USP34: variants seen among roughly 807,000 people sequenced by gnomAD.
USP34 encodes the protein ubiquitin carboxyl-terminal hydrolase 34.
A neutral mutation model predicts 460.3 loss-of-function variants in USP34; 70 were observed. The observed-to-expected ratio is 0.15, with a 90% CI of 0.13 to 0.19. USP34 has a LOEUF of 0.19. Among genes scored for constraint, USP34 ranks in the 10% least tolerant of loss-of-function variants. The probability of loss-of-function intolerance (pLI) is 1.00; values close to 1 mark genes in which losing one functional copy is unlikely to be tolerated. For missense variants in USP34, 3,985 were observed against 4,236.2 expected (o/e 0.94, Z 1.65); for synonymous variants, 1,647 against 1,405.3 (o/e 1.17, Z -3.85).
At chr2:61,294,554 G>T (rs1689965817) in intron 32 of USP34, among the ~76,000 whole-genome samples, 1 of 151,962 alleles carries the variant, frequency 6.6e-6, no homozygotes. Flanking sequence ...GGGTAGCTGG[G>T]ATTATGGGCA....
At chr2:61,212,048 T>C in intron 68 of USP34, 119 bp from the exon 69 acceptor site, 1 of 1,262,830 alleles carries the variant, frequency 7.9e-7, no homozygotes, top group Non-Finnish European at 1.1e-6. Context: ...TAGATTATAC[T>C]TCCATTCAGA....
Position 61,470,806 on chromosome 2 carries a change from A to T in USP34, c.-114T>A, listed in dbSNP as rs1573080353. 2.5e-6 allele frequency: 1 copy of T among 404,306 alleles called. No individual in the cohort carries two copies. Among genetic ancestry groups the T allele is most frequent in the East Asian group, 1.4e-4 (1 of 7,120 alleles). 25.0% of individuals were successfully genotyped at this position (404,306 alleles called of 1,614,324 possible). A position where few individuals can be genotyped will look rare whatever the true frequency, so the allele number is the denominator to read the frequency against. On this transcript the variant is annotated 5_prime_UTR_variant, in exon 1 of 80. Transcript: ENST00000398571. ...GGGCCGGCCGGCCGGCGGGGCGGGG[A>T]GGCGACTAGGGCGGGCGGCGGCGGG...
chr2:61,232,887 T>C (rs79356144), intron 57 of USP34, among the ~76,000 whole-genome samples: 1 of 138,934 alleles, frequency 7.2e-6, no homozygotes, highest in Non-Finnish European at 1.6e-5. Flanking sequence ...TTTTTTTTTT[T>C]TGAGACAGAT....
intron 41 of USP34, among the ~76,000 whole-genome samples, chr2:61,266,491 C>A (rs529372353): frequency 1.3e-5 from 2 of 152,092 alleles, no homozygotes; most frequent in Non-Finnish European, 2.9e-5. Flanking sequence ...GTCTGACTGG[C>A]GCTTCTGCAT....
At chr2:61,262,088 C>CAAAAAAAAAAAAA (rs61651654) in intron 43 of USP34, among the ~76,000 whole-genome samples, 1 of 46,826 alleles carries the variant, frequency 2.1e-5, no homozygotes, top group East Asian at 5.6e-4. Context: ...AAGACTTCGT[C>CAAAAAAAAAAAAA]AAAAAAAAAA....
At chr2:61,460,122 T>C (rs1388963964) in intron 1 of USP34, among the ~76,000 whole-genome samples, 3 of 152,194 alleles carry the variant, frequency 2.0e-5, no homozygotes, top group African/African-American at 7.2e-5. Context: ...ACATATTACT[T>C]AGTTTCCAAG....
chr2:61,222,892 TC>T, intron 64 of USP34, 167 bp downstream of exon 64: 1 of 698,692 alleles, frequency 1.4e-6, no homozygotes, highest in South Asian at 2.0e-5. Context: ...AGACGGGTTC[TC>T]ACTATGTTGC....
At chr2:61,466,735 A>AG (rs1695774285) in intron 1 of USP34, among the ~76,000 whole-genome samples, 1 of 152,060 alleles carries the variant, frequency 6.6e-6, no homozygotes, top group Non-Finnish European at 1.5e-5. Context: ...AACATGGCAA[A>AG]ATCCCACCTC....
chr2:61,201,320 A>G (rs1314865239), intron 75 of USP34, among the ~76,000 whole-genome samples: 1 of 150,626 alleles, frequency 6.6e-6, no homozygotes, highest in East Asian at 2.0e-4. Flanking sequence ...GGTTCAAGCA[A>G]TTCTCTGGCC....
intron 34 of USP34, among the ~76,000 whole-genome samples, chr2:61,285,944 C>A (rs1689676730): frequency 6.6e-6 from 1 of 152,146 alleles, no homozygotes; most frequent in African/African-American, 2.4e-5. Context: ...GGAAGGCATT[C>A]TGTGCACATA....
intron 7 of USP34, 27 bp from the exon 8 acceptor site, chr2:61,378,451 GTTT>G (rs755193350): frequency 5.9e-6 from 9 of 1,536,766 alleles, no homozygotes; most frequent in Non-Finnish European, 2.6e-6. Flanking sequence ...GAAATTAAGG[GTTT>G]TTATTTCCAA....
chr2:61,403,898 CAGG>C (rs998427794), intron 3 of USP34, among the ~76,000 whole-genome samples: 1 of 142,780 alleles, frequency 7.0e-6, no homozygotes, highest in Non-Finnish European at 1.5e-5. Context: ...GAGGCTGAGG[CAGG>C]AGAATGACGT....
intron 19 of USP34, among the ~76,000 whole-genome samples, chr2:61,333,395 C>T (rs1427077082): frequency 6.6e-6 from 1 of 151,982 alleles, no homozygotes; most frequent in East Asian, 1.9e-4. Flanking sequence ...ATGAATATTT[C>T]CTTTGAGTGT....
intron 75 of USP34, among the ~76,000 whole-genome samples, chr2:61,196,539 T>G (rs548662040): frequency 1.3e-5 from 2 of 152,122 alleles, no homozygotes; most frequent in East Asian, 3.9e-4. Flanking sequence ...ACAATTTTTT[T>G]TTTTTCCTTT....
At chr2:61,297,949 T>C (rs978816004) in intron 29 of USP34, among the ~76,000 whole-genome samples, 1 of 152,182 alleles carries the variant, frequency 6.6e-6, no homozygotes, top group African/African-American at 2.4e-5. Flanking sequence ...ACTTGCGCTA[T>C]ACTTGAGGAA....
Position 61,214,216 on chromosome 2 carries a change from A to G in USP34, c.8526T>C (p.Asp2842=), listed in dbSNP as rs1473691497. Residue 2842 remains aspartate (D), a synonymous_variant, in exon 68 of 80, where the codon GAT becomes GAC. Coordinates refer to ENST00000398571, the MANE Select transcript of USP34 (RefSeq NM_014709.4). ...GCATCCCACGGTTAAAAAGCACCAC[A>G]TCCTGATCATCATGGTCAGCAAGGA... is the stretch of plus-strand genomic sequence containing the variant. ...NYILADHDDQ[D]VVLFNRGMLP... 7.4e-6 allele frequency: 12 copies of G among 1,614,212 alleles called. No individual in the cohort carries two copies. The highest frequency in any genetic ancestry group is 8.5e-6 in the Non-Finnish European group (10 of 1,180,042).
intron 1 of USP34, among the ~76,000 whole-genome samples, chr2:61,449,313 T>C (rs895646628): frequency 6.6e-6 from 1 of 150,680 alleles, no homozygotes; most frequent in African/African-American, 2.4e-5. Context: ...ATAGACAACC[T>C]AAATAAATAG....
At chr2:61,364,923 C>G (rs574535508) in intron 10 of USP34, among the ~76,000 whole-genome samples, 2 of 151,026 alleles carry the variant, frequency 1.3e-5, no homozygotes, top group African/African-American at 4.9e-5. Flanking sequence ...GAGCAAGACT[C>G]TGTCTCAAAA....
intron 75 of USP34, among the ~76,000 whole-genome samples, chr2:61,202,181 AG>A (rs1445117292): frequency 1.3e-5 from 2 of 152,204 alleles, no homozygotes; most frequent in East Asian, 1.9e-4. Flanking sequence ...ATGAATTCTA[AG>A]GTAGGGTCAC....
Sources: allele counts gnomAD v4.1 joint callset (sites outside exome capture counted in the v4.1 genomes callset), GRCh38; gene constraint gnomAD v4.1.1; transcripts MANE v1.5; gene names NCBI Gene and HGNC (gene_info 2026-07-23, HGNC 2026-07-21).